KLHL2: variants seen among roughly 807,000 people sequenced by gnomAD.
The protein encoded by KLHL2 is kelch-like protein 2.
In KLHL2, 15 loss-of-function variants were observed where a neutral mutation model predicts 75.8. That is an observed-to-expected ratio of 0.20 (90% CI 0.13 to 0.30). The LOEUF is 0.30. KLHL2 is among the 10% of genes least tolerant of loss of function. The pLI is 1.00. For missense variants in KLHL2, 381 were observed against 741.0 expected, an observed-to-expected ratio of 0.51 and a Z score of 5.64; for synonymous variants, 214 against 251.9, an observed-to-expected ratio of 0.85 and a Z score of 1.42.
At chr4:165,217,418 T>C (rs562971107) in intron 1 of KLHL2, among the ~76,000 whole-genome samples, 1 of 152,306 alleles carries the variant, frequency 6.6e-6, no homozygotes, top group African/African-American at 2.4e-5. Flanking sequence ...TCTAGACTTA[T>C]CAGTGCTTTT....
rs558529513 is a variant in KLHL2, at chr4:165,215,276, A to G, written c.27-4658A>G. Among the ~76,000 whole-genome samples, 4 of 152,240 alleles carry G rather than the reference A, an allele frequency of 2.6e-5. No homozygotes were observed. The South Asian group carries it at 8.3e-4, about 32-fold the overall frequency. The stretch of plus-strand genomic sequence containing the variant: ...AATATAGTGGTTATTTGTTTGAAGG[A>G]TGTGAGAGTATTTTGTTGAGAAACT... On this transcript the variant is annotated intron_variant, in intron 1 of 14. Coordinates refer to ENST00000226725, the MANE Select transcript of KLHL2 (RefSeq NM_007246.4).
intron 5 of KLHL2, among the ~76,000 whole-genome samples, chr4:165,293,047 G>A (rs1007974854): frequency 6.6e-6 from 1 of 152,086 alleles, no homozygotes; most frequent in African/African-American, 2.4e-5. Flanking sequence ...GGGAAATTAC[G>A]TTAACTGCCC....
chr4:165,207,938 A>C lies in KLHL2; in HGVS notation c.26+36A>C. The C allele has an allele frequency of 2.2e-6, 3 of 1,356,676 alleles. No individual in the cohort carries two copies. Among genetic ancestry groups the C allele is most frequent in the Non-Finnish European group, 1.9e-6 (2 of 1,050,078 alleles). The allele number at this position is 1,356,676 out of a possible 1,614,324, so 84.0% of individuals were successfully genotyped here. A position where few individuals can be genotyped will look rare whatever the true frequency, so the allele number is the denominator to read the frequency against. ...GGGCGGGCGGGCTGCGCCGCTGCGG[A>C]TAAGCGCGCCGCTGCGGCGCGTGTC... On this transcript the variant is annotated intron_variant, in intron 1 of 14. Coordinates refer to ENST00000226725, the MANE Select transcript of KLHL2 (RefSeq NM_007246.4). The surrounding 1 kb of genome is among the most constrained non-coding windows in gnomAD (Gnocchi z 4.2).
chr4:165,209,045 G>A (rs534230590), intron 1 of KLHL2, among the ~76,000 whole-genome samples: 9 of 152,326 alleles, frequency 5.9e-5, no homozygotes, highest in Non-Finnish European at 1.0e-4. Flanking sequence ...GTGCGTTTCA[G>A]AATTTTTAGC....
intron 3 of KLHL2, among the ~76,000 whole-genome samples, chr4:165,229,463 G>T (rs1374723758): frequency 6.6e-6 from 1 of 152,224 alleles, no homozygotes; most frequent in East Asian, 1.9e-4. Flanking sequence ...AAAATATACT[G>T]TACAAAGAAA....
intron 13 of KLHL2, among the ~76,000 whole-genome samples, chr4:165,315,567 ATTTAC>A (rs1579192007): frequency 6.6e-6 from 1 of 152,184 alleles, no homozygotes; most frequent in Non-Finnish European, 1.5e-5. Context: ...AATTTGAATT[ATTTAC>A]TTCTATAATT....
At chr4:165,310,495 G>T in intron 9 of KLHL2, 58 bp from the exon 10 acceptor site, 1 of 1,380,462 alleles carries the variant, frequency 7.2e-7, no homozygotes, top group Non-Finnish European at 1.0e-6. Context: ...AGCAATCTTT[G>T]GATATTGGTG....
chr4:165,296,819 A>G (rs1744948159), intron 6 of KLHL2, among the ~76,000 whole-genome samples: 1 of 152,146 alleles, frequency 6.6e-6, no homozygotes, highest in Non-Finnish European at 1.5e-5. Flanking sequence ...GACAGAATGA[A>G]TTAAAGAGGG....
chr4:165,322,184 G>A lies in KLHL2; in HGVS notation c.*124G>A, dbSNP rs1324652008. 9.7e-6 allele frequency: 9 copies of A among 930,680 alleles called. No homozygotes were observed. The highest frequency in any genetic ancestry group is 2.7e-5 in the South Asian group (2 of 73,516). 57.7% of individuals were successfully genotyped at this position (930,680 alleles called of 1,614,324 possible). ...CACTTTAAGTCTCAGCAGAAGATAC[G>A]ATCGTCTGCCTTTATAGGCCTCAGA... On this transcript the variant is annotated 3_prime_UTR_variant, in exon 15 of 15. Transcript: ENST00000226725.
chr4:165,279,743 C>T, intron 5 of KLHL2: 2 of 921,536 alleles, frequency 2.2e-6, no homozygotes, highest in Non-Finnish European at 3.6e-6. Context: ...AGCGAGGCCG[C>T]GCGAGTCCGC....
intron 14 of KLHL2, among the ~76,000 whole-genome samples, chr4:165,320,098 AGTT>A (rs1429247994): frequency 6.6e-6 from 1 of 152,232 alleles, no homozygotes; most frequent in East Asian, 1.9e-4. Flanking sequence ...CCATGAAGAA[AGTT>A]GTTGAGGAGA....
In KLHL2 at chr4:165,255,854, T is replaced by G. The variant is rs576606567; in HGVS notation, c.382-7343T>G. ...GTCTTTTCATGCTTGCATGTTTTCT[T>G]AGATATTTAGAAGTTATATATATGT... On this transcript the variant is annotated intron_variant, in intron 4 of 14. Transcript: ENST00000226725. Among the ~76,000 whole-genome samples, 3 of 152,274 alleles carry G rather than the reference T, an allele frequency of 2.0e-5. No homozygotes were observed. In the South Asian group the frequency reaches 6.2e-4, roughly 32 times the overall value.
At chr4:165,270,823 A>G (rs937221441) in intron 5 of KLHL2, among the ~76,000 whole-genome samples, 1 of 152,204 alleles carries the variant, frequency 6.6e-6, no homozygotes, top group African/African-American at 2.4e-5. Context: ...CGGAGCTCAA[A>G]CGCCATGCTG....
At chr4:165,265,441 A>C (rs1742166388) in intron 5 of KLHL2, among the ~76,000 whole-genome samples, 1 of 151,888 alleles carries the variant, frequency 6.6e-6, no homozygotes, top group Non-Finnish European at 1.5e-5. Context: ...CTTTGTCATA[A>C]ATTTTTTGTT....
chr4:165,269,425 G>C (rs1409484177), intron 5 of KLHL2, among the ~76,000 whole-genome samples: 4 of 152,068 alleles, frequency 2.6e-5, no homozygotes, highest in African/African-American at 9.7e-5. Flanking sequence ...TTTACAATTT[G>C]GCATGTTTTT....
intron 4 of KLHL2, among the ~76,000 whole-genome samples, chr4:165,253,105 C>T (rs1249774243): frequency 2.0e-5 from 3 of 152,160 alleles, no homozygotes; most frequent in Non-Finnish European, 4.4e-5. Flanking sequence ...GATCTCGGCT[C>T]ACTGCAACCT....
intron 1 of KLHL2, 137 bp downstream of exon 1, chr4:165,208,039 C>T (rs970875385): frequency 7.9e-5 from 39 of 494,140 alleles, no homozygotes; most frequent in Non-Finnish European, 1.1e-4. Flanking sequence ...TGACGAGGCG[C>T]TGTGCCCGCA....
chr4:165,303,623 T>G (rs982388221), intron 8 of KLHL2, among the ~76,000 whole-genome samples: 2 of 152,270 alleles, frequency 1.3e-5, no homozygotes, highest in East Asian at 3.9e-4. Context: ...AGTGCATTAG[T>G]GCAGTCTCAG....
intron 1 of KLHL2, among the ~76,000 whole-genome samples, chr4:165,209,123 CAGA>C (rs1303682283): frequency 6.6e-6 from 1 of 152,152 alleles, no homozygotes; most frequent in Non-Finnish European, 1.5e-5. Context: ...CCTGGGCTGA[CAGA>C]AGCAGGGGCT....
Sources: gnomAD v4.1 joint callset for allele counts (sites outside exome capture counted in the v4.1 genomes callset) on GRCh38, gnomAD v4.1.1 for gene constraint, Gnocchi (gnomAD v3.1) non-coding constraint, MANE v1.5 for transcripts, NCBI Gene and HGNC (gene_info 2026-07-23, HGNC 2026-07-21) for gene names.